Variants in FHAD1 observed in about 807,000 individuals in gnomAD.
FHAD1 encodes the protein forkhead associated phosphopeptide binding domain 1.
Under a neutral mutation model 191.3 loss-of-function variants are expected in FHAD1, and 146 were observed. The ratio of observed to expected loss-of-function variants is 0.76; its 90% CI spans 0.67 to 0.88. The LOEUF is 0.88. Ranked by LOEUF, FHAD1 falls within the 40% of genes least tolerant of loss-of-function variation. The pLI is 0.00. For synonymous variants in FHAD1, 616 were observed against 672.3 expected, an observed-to-expected ratio of 0.92 and a Z score of 1.29; for missense variants, 1,635 against 1,785.8, an observed-to-expected ratio of 0.92 and a Z score of 1.52.
In FHAD1 at chr1:15,299,199, C is replaced by CAAAAAAAAA. The variant is rs35299485; in HGVS notation, c.679-1996_679-1988dup. 8.0e-4 allele frequency among the ~76,000 whole-genome samples: 37 copies of CAAAAAAAAA among 46,338 alleles called. 1 individual carries two copies. The highest frequency in any genetic ancestry group is 2.9e-3 in the African/African-American group (35 of 12,136). The allele number at this position is 46,338 out of a possible 152,430, so 30.4% of individuals were successfully genotyped here. A position where few individuals can be genotyped will look rare whatever the true frequency, so the allele number is the denominator to read the frequency against. ...TGGGTGACAGAGCAAGACCCTGTCT[C>CAAAAAAAAA]AAAAAAAAAAAAAAAAAAGGAAAAA... On this transcript the variant is annotated intron_variant, in intron 5 of 33. Transcript: ENST00000688493.
intron 14 of FHAD1, among the ~76,000 whole-genome samples, chr1:15,333,114 T>C (rs1220923193): frequency 1.3e-5 from 2 of 152,108 alleles, no homozygotes; most frequent in Non-Finnish European, 2.9e-5. Context: ...TAACAGAAAG[T>C]TCAGTAAGCA....
Position 15,358,199 on chromosome 1 carries a change from G to A in FHAD1, c.2652G>A (p.Lys884=). 1 of 1,540,490 alleles carries A rather than the reference G, an allele frequency of 6.5e-7. No homozygotes were observed. Among genetic ancestry groups the A allele is most frequent in the Admixed American group, 2.1e-5 (1 of 47,024 alleles). The part of the protein sequence containing the change: ...LAMVEETQKT[K]ATESLKAESL... ...TGGTTGAAGAGACTCAGAAAACAAA[G>A]GCAACTGAAAGTCTAAAAGCAGAGA... is the stretch of plus-strand genomic sequence containing the variant. The change falls in exon 21 of 34, where the codon AAG becomes AAA. Residue 884 remains lysine, a synonymous_variant. Coordinates refer to ENST00000688493, the MANE Select transcript of FHAD1 (RefSeq NM_001391957.1).
At chr1:15,251,701 A>T in intron 1 of FHAD1, 70 bp from the exon 2 acceptor site, 2 of 1,189,976 alleles carry the variant, frequency 1.7e-6, no homozygotes, top group South Asian at 2.9e-5. Flanking sequence ...CATTCATTTT[A>T]AGTATGATGT....
intron 31 of FHAD1, among the ~76,000 whole-genome samples, chr1:15,386,584 G>A (rs1401161571): frequency 2.0e-5 from 3 of 152,242 alleles, no homozygotes; most frequent in South Asian, 4.1e-4. Flanking sequence ...TTCTGGTGGG[G>A]AGCAGGCCAG....
intron 25 of FHAD1, among the ~76,000 whole-genome samples, chr1:15,368,265 C>A (rs1005633953): frequency 5.9e-5 from 9 of 152,110 alleles, no homozygotes; most frequent in African/African-American, 1.9e-4. Context: ...TGAGCCACCG[C>A]GCCCGGCCCC....
At chr1:15,314,667 G>A (rs1423380875) in intron 8 of FHAD1, 6 of 64 alleles carry the variant, frequency 0.094, no homozygotes, top group Admixed American at 0.5. Flanking sequence ...GTGTGGTGTG[G>A]GGGTGAATGG....
Position 15,397,558 on chromosome 1 carries a change from A to G in FHAD1, c.*145A>G. ...TTTCATTTCCTAGACCAGTATTTTG[A>G]ACAATATTATATTTTGGAGACTGTG... is the stretch of plus-strand genomic sequence containing the variant. On this transcript the variant is annotated 3_prime_UTR_variant, in exon 34 of 34. Coordinates refer to ENST00000688493, the MANE Select transcript of FHAD1 (RefSeq NM_001391957.1). The G allele has an allele frequency of 2.2e-6, 1 of 453,154 alleles. No homozygotes were observed. The highest frequency in any genetic ancestry group is 4.0e-6 in the Non-Finnish European group (1 of 251,294). 28.1% of individuals were successfully genotyped at this position (453,154 alleles called of 1,614,324 possible).
At chr1:15,249,277 C>T (rs532525865) in intron 1 of FHAD1, among the ~76,000 whole-genome samples, 48 of 136,812 alleles carry the variant, frequency 3.5e-4, no homozygotes, top group Non-Finnish European at 5.6e-4. Flanking sequence ...GTGGAAACAT[C>T]GGGGGGAAGA....
In FHAD1 at chr1:15,329,519, C is replaced by T. The variant is rs2101849637; in HGVS notation, c.1884C>T (p.Ile628=). 1 of 1,550,964 alleles carries T rather than the reference C, an allele frequency of 6.4e-7. No homozygotes were observed. The highest frequency in any genetic ancestry group is 1.4e-5 in the African/African-American group (1 of 73,146). The change falls in exon 14 of 34, where the codon ATC becomes ATT. Residue 628 remains isoleucine (I), a synonymous_variant. Transcript: ENST00000688493. The surrounding 1 kb of genome is among the most constrained non-coding windows in gnomAD (Gnocchi z 5.0). ...AGCAGCTCCTCCGGGACCTCGGGAT[C>T]CTGCCCTCCAGCCCCAACAAAGGTT... is the stretch of plus-strand genomic sequence containing the variant. ...EVEQLLRDLG[I]LPSSPNKGFS...
chr1:15,242,836 G>A (rs1377699512), upstream of FHAD1, among the ~76,000 whole-genome samples: 3 of 152,104 alleles, frequency 2.0e-5, no homozygotes, highest in African/African-American at 4.8e-5. Flanking sequence ...GGCAATAATC[G>A]TAAACACTCA....
At chr1:15,305,299 A>G (rs1179724224) in intron 6 of FHAD1, among the ~76,000 whole-genome samples, 1 of 152,206 alleles carries the variant, frequency 6.6e-6, no homozygotes. Flanking sequence ...ATGGGACAGA[A>G]TTGGTGTCCT....
At chr1:15,317,066 A>G (rs1369931701) in intron 9 of FHAD1, among the ~76,000 whole-genome samples, 2 of 152,160 alleles carry the variant, frequency 1.3e-5, no homozygotes, top group Non-Finnish European at 2.9e-5. Context: ...GGGTGCCTGT[A>G]ATCCCAGTTG....
At chr1:15,360,414 G>A (rs1305960492) in intron 21 of FHAD1, 64 bp from the exon 22 acceptor site, 1 of 1,400,462 alleles carries the variant, frequency 7.1e-7, no homozygotes, top group Non-Finnish European at 9.9e-7. Flanking sequence ...TGCCCAGGGG[G>A]CATATTATTG....
In FHAD1 at chr1:15,389,447, C is replaced by CAAAAAAAAAAAAAAAAA. The variant is rs570569622; in HGVS notation, c.4269+1321_4269+1337dup. Among the ~76,000 whole-genome samples the CAAAAAAAAAAAAAAAAA allele has an allele frequency of 6.2e-3, 335 of 54,192 alleles. 12 individuals carry two copies. The highest frequency in any genetic ancestry group is 9.6e-3 in the Non-Finnish European group (277 of 28,978). 35.6% of individuals were successfully genotyped at this position (54,192 alleles called of 152,430 possible). A position where few individuals can be genotyped will look rare whatever the true frequency, so the allele number is the denominator to read the frequency against. On this transcript the variant is annotated intron_variant, in intron 32 of 33. Coordinates refer to ENST00000688493, the MANE Select transcript of FHAD1 (RefSeq NM_001391957.1). ...TGAGCAACAGAGGAAGAACCTGTCT[C>CAAAAAAAAAAAAAAAAA]AAAAAAAAAAAAAAAAAAAAACCTG... is the stretch of plus-strand genomic sequence containing the variant.
intron 2 of FHAD1, among the ~76,000 whole-genome samples, chr1:15,263,679 G>A (rs1652144506): frequency 6.6e-6 from 1 of 151,778 alleles, no homozygotes; most frequent in Non-Finnish European, 1.5e-5. Context: ...CTGCCACCAC[G>A]CCCAACTAAT....
intron 9 of FHAD1, among the ~76,000 whole-genome samples, chr1:15,317,552 C>T (rs770266720): frequency 2.0e-5 from 3 of 152,234 alleles, no homozygotes; most frequent in Non-Finnish European, 4.4e-5. Flanking sequence ...GATGGGTGTC[C>T]TGTAGTCCTT....
chr1:15,288,859 G>T (rs189487124), intron 3 of FHAD1, among the ~76,000 whole-genome samples: 136 of 152,312 alleles, frequency 8.9e-4, no homozygotes, highest in Non-Finnish European at 1.2e-4. Context: ...TCGGCAAGAT[G>T]CCTGGGTAAA....
intron 2 of FHAD1, among the ~76,000 whole-genome samples, chr1:15,269,056 TTCTC>T (rs993044633): frequency 3.3e-5 from 5 of 152,136 alleles, no homozygotes; most frequent in African/African-American, 1.2e-4. Flanking sequence ...AATTTGTGTC[TTCTC>T]TCTTTTTTTC....
chr1:15,327,197 G>T lies in FHAD1; in HGVS notation c.1557+55G>T. 1 of 1,233,228 alleles carries T rather than the reference G, an allele frequency of 8.1e-7. No individual in the cohort carries two copies. The highest frequency in any genetic ancestry group is 1.2e-6 in the Non-Finnish European group (1 of 862,360). 76.4% of individuals were successfully genotyped at this position (1,233,228 alleles called of 1,614,324 possible). ...CTTCACTTTCCTCTTCTTCTTCTTC[G>T]TGGATCTGGATTCCAGACCCTGGGA... On this transcript the variant is annotated intron_variant, in intron 12 of 33. Transcript: ENST00000688493. This position sits in a 1 kb window ranked among gnomAD's most constrained non-coding sequence, Gnocchi z 5.1.
Sources: allele counts gnomAD v4.1 joint callset (sites outside exome capture counted in the v4.1 genomes callset), GRCh38; gene constraint gnomAD v4.1.1; non-coding constraint Gnocchi (gnomAD v3.1); transcripts MANE v1.5; gene names NCBI Gene and HGNC (gene_info 2026-07-23, HGNC 2026-07-21).